Variants in MIPEP observed in about 807,000 individuals in gnomAD.
The protein encoded by MIPEP is mitochondrial intermediate peptidase.
Under a neutral mutation model 90.3 loss-of-function variants are expected in MIPEP, and 79 were observed. The observed-to-expected ratio is 0.87, with a 90% CI of 0.73 to 1.05. MIPEP has a LOEUF of 1.05. Among genes scored for constraint, MIPEP ranks in the 50% least tolerant of loss-of-function variants. The pLI is 0.00. For missense variants in MIPEP, 940 were observed against 905.6 expected, an observed-to-expected ratio of 1.04 and a Z score of -0.49; for synonymous variants, 334 against 315.8, an observed-to-expected ratio of 1.06 and a Z score of -0.61.
chr13:23,857,244 A>G (rs1014973840), intron 10 of MIPEP, among the ~76,000 whole-genome samples: 13 of 152,262 alleles, frequency 8.5e-5, no homozygotes, highest in Non-Finnish European at 1.5e-5. Flanking sequence ...AAACAAATAT[A>G]TTCTAAACCC....
chr13:23,745,203 G>A (rs1316016859), intron 18 of MIPEP, among the ~76,000 whole-genome samples: 1 of 152,010 alleles, frequency 6.6e-6, no homozygotes, highest in African/African-American at 2.4e-5. Context: ...TTCAATAAGA[G>A]AAACTTTAAT....
intron 9 of MIPEP, among the ~76,000 whole-genome samples, chr13:23,861,504 T>C (rs1180893271): frequency 6.6e-6 from 1 of 152,210 alleles, no homozygotes; most frequent in Non-Finnish European, 1.5e-5. Context: ...CTGAGTTTAA[T>C]GGGATTAATC....
At position 23,760,037 on chromosome 13, in the gene MIPEP, A is replaced by G. The variant is rs564084853; in HGVS notation, c.1970+59T>C. 2.0e-4 allele frequency: 317 copies of G among 1,606,930 alleles called. 1 individual carries two copies. Among genetic ancestry groups the G allele is most frequent in the Middle Eastern group, 5.0e-4 (3 of 6,034 alleles). On this transcript the variant is annotated intron_variant, in intron 17 of 18. Coordinates refer to ENST00000382172, the MANE Select transcript of MIPEP (RefSeq NM_005932.4). Reference sequence around the variant, plus strand: ...GTTCTCGAGCCCGACTTCCAGATGTAATAGAGTGGGGAATTACTGTGGTCC... The same window carrying G: ...GTTCTCGAGCCCGACTTCCAGATGTGATAGAGTGGGGAATTACTGTGGTCC...
At chr13:23,822,818 T>C (rs1005732467) in intron 14 of MIPEP, among the ~76,000 whole-genome samples, 6 of 151,726 alleles carry the variant, frequency 4.0e-5, no homozygotes, top group Non-Finnish European at 1.5e-5. Flanking sequence ...TTCCTAAATA[T>C]GGATTGTAAG....
At chr13:23,761,600 G>C (rs1952544761) in intron 16 of MIPEP, among the ~76,000 whole-genome samples, 2 of 152,102 alleles carry the variant, frequency 1.3e-5, no homozygotes, top group Admixed American at 1.3e-4. Context: ...TGCTAAAGTG[G>C]AAAACATCTC....
intron 1 of MIPEP, chr13:23,888,668 A>C (rs1489686026): frequency 1.0e-6 from 1 of 975,110 alleles, no homozygotes; most frequent in Non-Finnish European, 1.2e-6. Flanking sequence ...TCAGGTATTA[A>C]TGAAATTACC....
chr13:23,872,260 G>C (rs934951545), intron 5 of MIPEP, among the ~76,000 whole-genome samples: 1 of 152,172 alleles, frequency 6.6e-6, no homozygotes, highest in African/African-American at 2.4e-5. Flanking sequence ...TCGGGAGTTC[G>C]AGACCAGCCT....
At chr13:23,761,543 A>T (rs73446199) in intron 16 of MIPEP, among the ~76,000 whole-genome samples, 5,636 of 152,316 alleles carry the variant, frequency 0.037, 366 homozygotes, top group African/African-American at 0.13. Flanking sequence ...GGAAGGACAC[A>T]GTTCCACTGG....
intron 16 of MIPEP, among the ~76,000 whole-genome samples, chr13:23,762,191 A>G (rs771636632): frequency 1.3e-5 from 2 of 152,084 alleles, no homozygotes; most frequent in Non-Finnish European, 2.9e-5. Flanking sequence ...TTTTTTAACC[A>G]TGATAACAAC....
intron 16 of MIPEP, among the ~76,000 whole-genome samples, chr13:23,793,906 AG>A (rs1471905542): frequency 1.3e-5 from 2 of 152,116 alleles, no homozygotes; most frequent in Non-Finnish European, 2.9e-5. Context: ...CAGACCACGC[AG>A]GAACTTGCAA....
At chr13:23,858,668 T>C (rs183252895) in intron 10 of MIPEP, among the ~76,000 whole-genome samples, 192 bp downstream of exon 10, 16 of 151,994 alleles carry the variant, frequency 1.1e-4, no homozygotes, top group South Asian at 2.1e-4. Context: ...AGGGACCAGA[T>C]TGTAGAATTT....
At position 23,855,486 on chromosome 13, in the gene MIPEP, T is replaced by C. The variant is rs534336166; in HGVS notation, c.1106+3374A>G. 3.8e-4 allele frequency among the ~76,000 whole-genome samples: 58 copies of C among 152,318 alleles called. 1 individual carries two copies. Among genetic ancestry groups the C allele is most frequent in the African/African-American group, 1.3e-3 (54 of 41,568 alleles). On this transcript the variant is annotated intron_variant, in intron 10 of 18. Transcript: ENST00000382172. ...AATCAAGGAAAGCCCCTTCTATATT[T>C]CATTTTGTGTCAAGCCACACATTTA...
chr13:23,794,302 A>AT lies in MIPEP; in HGVS notation c.1848+11647dup, dbSNP rs571137872. On this transcript the variant is annotated intron_variant, in intron 16 of 18. Transcript: ENST00000382172. Reference sequence around the variant, plus strand: ...ATTGTAAAGCTTTTGACACCCTGTGATTTTTTAATCATGCATATGTATTAC... The same window carrying AT: ...ATTGTAAAGCTTTTGACACCCTGTGATTTTTTTAATCATGCATATGTATTAC... Among the ~76,000 whole-genome samples the AT allele has an allele frequency of 7.1e-4, 108 of 152,234 alleles. 2 individuals are homozygous for AT. In the South Asian group the frequency reaches 0.022, roughly 30 times the overall value.
chr13:23,859,340 T>A (rs1055236163), intron 9 of MIPEP, among the ~76,000 whole-genome samples: 1 of 152,200 alleles, frequency 6.6e-6, no homozygotes, highest in Non-Finnish European at 1.5e-5. Context: ...TGGGTAGATA[T>A]CAAAAATGAA....
chr13:23,860,256 T>C (rs1192103858), intron 9 of MIPEP, among the ~76,000 whole-genome samples: 5 of 152,238 alleles, frequency 3.3e-5, no homozygotes, highest in Admixed American at 3.3e-4. Context: ...TTGAGTTTTA[T>C]GATAGAAGCA....
At chr13:23,781,666 G>C (rs1276153317) in intron 16 of MIPEP, among the ~76,000 whole-genome samples, 1 of 152,118 alleles carries the variant, frequency 6.6e-6, no homozygotes, top group Non-Finnish European at 1.5e-5. Context: ...TGGCAAATTG[G>C]ATAAAGAGTC....
At chr13:23,832,890 A>G (rs1434866804) in intron 14 of MIPEP, among the ~76,000 whole-genome samples, 1 of 152,170 alleles carries the variant, frequency 6.6e-6, no homozygotes, top group East Asian at 1.9e-4. Flanking sequence ...TTGAATGAGC[A>G]CCTCTGGTAT....
intron 16 of MIPEP, among the ~76,000 whole-genome samples, chr13:23,783,887 C>G (rs1223221068): frequency 6.6e-6 from 1 of 152,148 alleles, no homozygotes; most frequent in African/African-American, 2.4e-5. Context: ...AGGAATCCAA[C>G]TTACAAAGGA....
intron 2 of MIPEP, among the ~76,000 whole-genome samples, chr13:23,885,506 CT>C (rs1175201291): frequency 2.0e-5 from 3 of 151,972 alleles, no homozygotes; most frequent in African/African-American, 7.3e-5. Context: ...CCCATTTTCC[CT>C]GATGTAATTA....
Sources: gnomAD v4.1 joint callset for allele counts (sites outside exome capture counted in the v4.1 genomes callset) on GRCh38, gnomAD v4.1.1 for gene constraint, MANE v1.5 for transcripts, NCBI Gene and HGNC (gene_info 2026-07-23, HGNC 2026-07-21) for gene names.